The following GPBP1 variants were observed in gnomAD, a reference collection of about 807,000 sequenced individuals.
GPBP1 encodes GC-rich promoter binding protein 1.
Under a neutral mutation model 56.5 loss-of-function variants are expected in GPBP1, and 13 were observed. The observed-to-expected ratio is 0.23, with a 90% CI of 0.15 to 0.37. GPBP1 has a LOEUF of 0.37. Among genes scored for constraint, GPBP1 ranks in the 10% least tolerant of loss-of-function variants. The pLI, the probability that GPBP1 is intolerant of heterozygous loss-of-function variation, is 1.00. For missense variants in GPBP1, 477 were observed against 572.3 expected (o/e 0.83, Z 1.70); for synonymous variants, 204 against 188.9 (o/e 1.08, Z -0.66).
At chr5:57,198,263 AGTTTC>A (rs1754852043) in intron 2 of GPBP1, among the ~76,000 whole-genome samples, 1 of 152,164 alleles carries the variant, frequency 6.6e-6, no homozygotes, top group Non-Finnish European at 1.5e-5. Flanking sequence ...TTCGTTGTCT[AGTTTC>A]ATCAGTTATT....
intron 2 of GPBP1, among the ~76,000 whole-genome samples, chr5:57,200,149 C>T (rs1449228516): frequency 6.7e-6 from 1 of 148,178 alleles, no homozygotes; most frequent in Non-Finnish European, 1.5e-5. Flanking sequence ...CTCCCCTCCC[C>T]TGCTTCCTTC....
At chr5:57,180,657 G>T (rs887325558) in intron 2 of GPBP1, among the ~76,000 whole-genome samples, 29 of 152,146 alleles carry the variant, frequency 1.9e-4, no homozygotes, top group African/African-American at 6.5e-4. Flanking sequence ...AACTTTTTTT[G>T]GCCTTAGTTT....
intron 2 of GPBP1, among the ~76,000 whole-genome samples, chr5:57,210,230 T>C (rs555612727): frequency 6.6e-6 from 1 of 152,346 alleles, no homozygotes; most frequent in South Asian, 2.1e-4. Context: ...CACTTAAAGA[T>C]GTACACTTAG....
chr5:57,222,821 G>C (rs139576841), intron 3 of GPBP1, among the ~76,000 whole-genome samples: 2,340 of 152,204 alleles, frequency 0.015, 140 homozygotes, highest in East Asian at 0.097. Flanking sequence ...TTTATGGGGA[G>C]GGGGGCAGGT....
intron 3 of GPBP1, among the ~76,000 whole-genome samples, chr5:57,229,600 G>T (rs1035383037): frequency 6.6e-6 from 1 of 151,100 alleles, no homozygotes; most frequent in Admixed American, 6.6e-5. Flanking sequence ...GTGTCATCTC[G>T]GCTCACTGCA....
Position 57,264,298 on chromosome 5 carries a change from G to A in GPBP1, c.*1546G>A, listed in dbSNP as rs1390554580. On this transcript the variant is annotated 3_prime_UTR_variant, in exon 12 of 12. Coordinates refer to ENST00000506184, the MANE Select transcript of GPBP1 (RefSeq NM_022913.4). ...TCAATCTAATCAGCTAAAGTTAAAT[G>A]TAGTTAGAATTAGCCACAGGAGAAT... The A allele has an allele frequency of 1.3e-5, 2 of 152,168 alleles. No individual in the cohort carries two copies. The highest frequency in any genetic ancestry group is 2.9e-5 in the Non-Finnish European group (2 of 68,008). 9.4% of individuals were successfully genotyped at this position (152,168 alleles called of 1,614,324 possible). A position where few individuals can be genotyped will look rare whatever the true frequency, so the allele number is the denominator to read the frequency against.
At chr5:57,247,751 T>G (rs1333001400) in intron 8 of GPBP1, among the ~76,000 whole-genome samples, 7 of 151,532 alleles carry the variant, frequency 4.6e-5, no homozygotes, top group African/African-American at 9.7e-5. Flanking sequence ...AATAATTTTT[T>G]GGGGGGTGGT....
In GPBP1 at chr5:57,192,709, C is replaced by T. The variant is rs530575724; in HGVS notation, c.-58+16309C>T. Among the ~76,000 whole-genome samples, 50 of 144,728 alleles carry T rather than the reference C, an allele frequency of 3.5e-4. 1 individual carries two copies. The highest frequency in any genetic ancestry group is 5.2e-4 in the Non-Finnish European group (35 of 67,096). 94.9% of individuals were successfully genotyped at this position (144,728 alleles called of 152,430 possible). A position where few individuals can be genotyped will look rare whatever the true frequency, so the allele number is the denominator to read the frequency against. On this transcript the variant is annotated intron_variant, in intron 2 of 11. Transcript: ENST00000506184. The stretch of plus-strand genomic sequence containing the variant: ...CGGAGGTTGCGGTGAGCTGCGATCA[C>T]GCCATTGCACTCCGGTCTGGGCAAC...
intron 2 of GPBP1, among the ~76,000 whole-genome samples, chr5:57,179,068 T>C (rs954509998): frequency 6.6e-6 from 1 of 152,198 alleles, no homozygotes; most frequent in Non-Finnish European, 1.5e-5. Flanking sequence ...AGAAAGTTAC[T>C]TTGTTAGAAT....
At chr5:57,207,114 C>A (rs1755265754) in intron 2 of GPBP1, among the ~76,000 whole-genome samples, 2 of 151,838 alleles carry the variant, frequency 1.3e-5, no homozygotes. Flanking sequence ...GAAAAATAAT[C>A]AAAATGGGCA....
At chr5:57,203,985 C>G (rs1206274883) in intron 2 of GPBP1, among the ~76,000 whole-genome samples, 1 of 152,244 alleles carries the variant, frequency 6.6e-6, no homozygotes, top group South Asian at 2.1e-4. Context: ...AGGGCATTTA[C>G]CATCCTTATC....
At chr5:57,255,469 A>G (rs1395580365) in intron 10 of GPBP1, among the ~76,000 whole-genome samples, 1 of 152,272 alleles carries the variant, frequency 6.6e-6, no homozygotes, top group East Asian at 1.9e-4. Flanking sequence ...AAATATTTCT[A>G]GTCACACAAT....
At chr5:57,230,644 C>T (rs921485665) in intron 3 of GPBP1, 14 of 569,796 alleles carry the variant, frequency 2.5e-5, no homozygotes, top group Non-Finnish European at 3.7e-5. Context: ...AGCACATGTG[C>T]TTGTTTCCAT....
At chr5:57,243,107 G>A (rs1285851997) in intron 6 of GPBP1, among the ~76,000 whole-genome samples, 1 of 151,418 alleles carries the variant, frequency 6.6e-6, no homozygotes, top group East Asian at 2.0e-4. Context: ...TCACTCTGTC[G>A]CCCAGGCTGG....
At chr5:57,187,406 C>T (rs1306249758) in intron 2 of GPBP1, among the ~76,000 whole-genome samples, 2 of 152,108 alleles carry the variant, frequency 1.3e-5, no homozygotes, top group African/African-American at 4.8e-5. Context: ...GGACTCTTCT[C>T]TCTTGAGTGC....
Position 57,236,025 on chromosome 5 carries a change from T to C in GPBP1, c.471T>C (p.Gly157=). 1 of 1,603,978 alleles carries C rather than the reference T, an allele frequency of 6.2e-7. No individual in the cohort carries two copies. The highest frequency in any genetic ancestry group is 8.5e-7 in the Non-Finnish European group (1 of 1,171,290). Residue 157 remains glycine, a synonymous_variant, in exon 6 of 12, where the codon GGT becomes GGC. Coordinates refer to ENST00000506184, the MANE Select transcript of GPBP1 (RefSeq NM_022913.4). ...ATCACAATAAGTCTTTAGCTGCAGGTGTGTGGGGTAAGTAATTTTTTATCT... is the reference window on the plus strand; with the variant it reads ...ATCACAATAAGTCTTTAGCTGCAGGCGTGTGGGGTAAGTAATTTTTTATCT... ...EPNHNKSLAA[G]VWEYPPNPKS...
At chr5:57,204,751 T>C (rs1246424118) in intron 2 of GPBP1, among the ~76,000 whole-genome samples, 1 of 152,202 alleles carries the variant, frequency 6.6e-6, no homozygotes, top group East Asian at 1.9e-4. Context: ...ACTGATGTTG[T>C]TCACTTTAAT....
At chr5:57,190,692 AG>A (rs1754482267) in intron 2 of GPBP1, among the ~76,000 whole-genome samples, 1 of 110,728 alleles carries the variant, frequency 9.0e-6, no homozygotes, top group Non-Finnish European at 1.8e-5. Context: ...ATTTGCTGTT[AG>A]CTTTTTTTTT....
intron 8 of GPBP1, 91 bp from the exon 9 acceptor site, chr5:57,249,318 G>A (rs1741250137): frequency 1.1e-6 from 1 of 950,210 alleles, no homozygotes; most frequent in Non-Finnish European, 1.6e-6. Flanking sequence ...TGTGAGTAAA[G>A]GTAAAATAGG....
Sources: gnomAD v4.1 joint callset for allele counts (sites outside exome capture counted in the v4.1 genomes callset) on GRCh38, gnomAD v4.1.1 for gene constraint, MANE v1.5 for transcripts, NCBI Gene and HGNC (gene_info 2026-07-23, HGNC 2026-07-21) for gene names.